Variants in RPIA observed in about 807,000 individuals in gnomAD.
The protein encoded by RPIA is ribose-5-phosphate isomerase.
A neutral mutation model predicts 37.8 loss-of-function variants in RPIA; 29 were observed. The ratio of observed to expected loss-of-function variants is 0.77; its 90% CI spans 0.57 to 1.05. The LOEUF (loss-of-function observed/expected upper bound fraction) is 1.05, where lower values mean the gene tolerates loss of function less well. Ranked by LOEUF, RPIA falls within the 50% of genes least tolerant of loss-of-function variation. RPIA has a pLI of 0.00. For missense variants in RPIA, 385 were observed against 413.6 expected (o/e 0.93, Z 0.60); for synonymous variants, 167 against 157.0 (o/e 1.06, Z -0.48).
chr2:88,749,104 A>T (rs1234510021), intron 8 of RPIA, among the ~76,000 whole-genome samples: 1 of 152,210 alleles, frequency 6.6e-6, no homozygotes, highest in Non-Finnish European at 1.5e-5. Context: ...CACTATCAAC[A>T]TCTTACACAT....
intron 3 of RPIA, among the ~76,000 whole-genome samples, chr2:88,716,010 T>TC (rs899953722): frequency 1.3e-5 from 2 of 151,992 alleles, no homozygotes; most frequent in African/African-American, 2.4e-5. Context: ...GCTACATACC[T>TC]CCCTCAAAAT....
At chr2:88,696,709 A>T (rs552720242) in intron 1 of RPIA, among the ~76,000 whole-genome samples, 1 of 152,186 alleles carries the variant, frequency 6.6e-6, no homozygotes, top group Non-Finnish European at 1.5e-5. Context: ...CTGCTATAAT[A>T]GAATACCTGA....
At position 88,691,886 on chromosome 2, in the gene RPIA, G is replaced by A; in HGVS notation, c.188G>A (p.Gly63Glu). The A allele has an allele frequency of 6.3e-7, 1 of 1,596,750 alleles. No individual in the cohort carries two copies. ...GGAGNTSTSC[G>E]DSNSICPAPS... ...GCTGGCAACACAAGCACCAGCTGCG[G>A]GGACTCCAACAGCATCTGCCCGGCC... The change falls in exon 1 of 9, where the codon GGG becomes GAG. Residue 63 changes from glycine to glutamate, a missense_variant. By Grantham distance (98) the Gly-to-Glu change is moderately conservative. This residue lies in a region of RPIA where 232 missense variants were observed against 203.0 expected (regional missense o/e 1.14). Transcript: ENST00000283646.
chr2:88,733,757 A>T (rs1177414296), intron 4 of RPIA, among the ~76,000 whole-genome samples: 1 of 152,244 alleles, frequency 6.6e-6, no homozygotes, highest in African/African-American at 2.4e-5. Flanking sequence ...TGTACCCTGC[A>T]TACTACTTGC....
rs1673237724 is a variant in RPIA, at chr2:88,729,372, T to C, written c.462+35T>C. ...CCACTCAGAGGCAGACCACTGCGTA[T>C]TTCTTTCCGCTTTTTTATGGCTGTC... is the stretch of plus-strand genomic sequence containing the variant. On this transcript the variant is annotated intron_variant, in intron 4 of 8. Coordinates refer to ENST00000283646, the MANE Select transcript of RPIA (RefSeq NM_144563.3). 3 of 1,597,496 alleles carry C rather than the reference T, an allele frequency of 1.9e-6. No individual in the cohort carries two copies. In the East Asian group the frequency reaches 6.7e-5, roughly 36 times the overall value.
Position 88,738,081 on chromosome 2 carries a change from C to G in RPIA, c.838+5C>G, listed in dbSNP as rs1276091494. ...CAGCTATCAAAATGATCCCAGGTAA[C>G]ATGAGTGGTGTTCACCAGTCATATA... On this transcript the variant is annotated splice_donor_5th_base_variant and intron_variant, in intron 8 of 8. Transcript: ENST00000283646. The G allele has an allele frequency of 6.2e-7, 1 of 1,605,666 alleles. No homozygotes were observed. Among genetic ancestry groups the G allele is most frequent in the African/African-American group, 1.3e-5 (1 of 74,714 alleles).
intron 1 of RPIA, among the ~76,000 whole-genome samples, chr2:88,694,616 G>A (rs559806775): frequency 1.2e-4 from 18 of 152,266 alleles, no homozygotes; most frequent in African/African-American, 4.1e-4. Flanking sequence ...TATTTGGGGT[G>A]CTTTAGGGCC....
intron 1 of RPIA, 42 bp from the exon 2 acceptor site, chr2:88,698,439 TATG>T (rs1558687752): frequency 6.5e-7 from 1 of 1,539,508 alleles, no homozygotes; most frequent in Non-Finnish European, 9.0e-7. Flanking sequence ...AGGAGTAAAA[TATG>T]ATATTAATAA....
intron 4 of RPIA, among the ~76,000 whole-genome samples, chr2:88,733,947 G>A (rs1488490009): frequency 1.3e-5 from 2 of 152,182 alleles, no homozygotes; most frequent in Non-Finnish European, 2.9e-5. Context: ...GCCCAGACAA[G>A]TGGGGTCTTA....
At position 88,691,848 on chromosome 2, in the gene RPIA, G is replaced by A. The variant is rs748016422; in HGVS notation, c.150G>A (p.Gly50=). ...GGCTGCCGGGGCGTGCACAGTCTGG[G>A]ACCCGTGGCGGTGCTGGCAACACAA... ...HVRLPGRAQS[G]TRGGAGNTST... Residue 50 remains glycine, a synonymous_variant, in exon 1 of 9, where the codon GGG becomes GGA. Transcript: ENST00000283646. 2.5e-6 allele frequency: 4 copies of A among 1,597,682 alleles called. No homozygotes were observed. In the East Asian group the frequency reaches 6.8e-5, roughly 27 times the overall value.
At chr2:88,707,859 G>A (rs560373191) in intron 3 of RPIA, among the ~76,000 whole-genome samples, 21 of 152,306 alleles carry the variant, frequency 1.4e-4, no homozygotes, top group Middle Eastern at 3.4e-3. Context: ...GAATTGGGAA[G>A]AACTTCCTGG....
chr2:88,702,342 G>A (rs574644038), intron 3 of RPIA, among the ~76,000 whole-genome samples: 1 of 150,652 alleles, frequency 6.6e-6, no homozygotes, highest in African/African-American at 2.5e-5. Context: ...TTTTCCTATT[G>A]TGTTAGTCCA....
At chr2:88,724,267 A>T (rs1024375804) in intron 3 of RPIA, among the ~76,000 whole-genome samples, 47 of 152,076 alleles carry the variant, frequency 3.1e-4, no homozygotes. Flanking sequence ...TAATTGAAAG[A>T]AACTTTTGCC....
chr2:88,742,456 T>C (rs544711300), intron 8 of RPIA, among the ~76,000 whole-genome samples: 52 of 152,210 alleles, frequency 3.4e-4, no homozygotes, highest in Non-Finnish European at 6.9e-4. Context: ...CATGACCTTA[T>C]AGTGTAGTTT....
chr2:88,718,912 AAAAG>A (rs1204118005), intron 3 of RPIA, among the ~76,000 whole-genome samples: 4 of 152,340 alleles, frequency 2.6e-5, no homozygotes, highest in African/African-American at 9.6e-5. Flanking sequence ...TCTGAAAAAT[AAAAG>A]AAAGGATCAG....
intron 1 of RPIA, among the ~76,000 whole-genome samples, chr2:88,695,241 G>A (rs895397008): frequency 1.2e-4 from 18 of 152,224 alleles, no homozygotes; most frequent in African/African-American, 4.1e-4. Flanking sequence ...AGAGAGTGTT[G>A]TGGAAACTCC....
In RPIA at chr2:88,691,882, T is replaced by A; in HGVS notation, c.184T>A (p.Cys62Ser). Residue 62 changes from cysteine to serine, a missense_variant, in exon 1 of 9, where the codon TGC becomes AGC. This residue lies in a region of RPIA where 232 missense variants were observed against 203.0 expected (regional missense o/e 1.14). Transcript: ENST00000283646. Reference protein sequence around the residue: ...RGGAGNTSTSCGDSNSICPAP... With the variant: ...RGGAGNTSTSSGDSNSICPAP... The stretch of plus-strand genomic sequence containing the variant: ...CGGTGCTGGCAACACAAGCACCAGC[T>A]GCGGGGACTCCAACAGCATCTGCCC... The A allele has an allele frequency of 6.3e-7, 1 of 1,596,348 alleles. No individual in the cohort carries two copies. The highest frequency in any genetic ancestry group is 8.5e-7 in the Non-Finnish European group (1 of 1,172,698).
chr2:88,729,453 G>T (rs1673238518), intron 4 of RPIA, 116 bp downstream of exon 4: 1 of 1,072,936 alleles, frequency 9.3e-7, no homozygotes, highest in East Asian at 2.5e-5. Flanking sequence ...TCAGTTAGTT[G>T]TACCAAGTTT....
intron 3 of RPIA, among the ~76,000 whole-genome samples, chr2:88,713,652 A>G (rs1021756225): frequency 6.6e-6 from 1 of 152,152 alleles, no homozygotes; most frequent in Non-Finnish European, 1.5e-5. Context: ...ACACTCTGCA[A>G]TTTTGGGAAT....
Sources: gnomAD v4.1 joint callset for allele counts (sites outside exome capture counted in the v4.1 genomes callset) on GRCh38, gnomAD v4.1.1 for gene constraint, gnomAD v4.1.1 regional missense constraint, MANE v1.5 for transcripts, NCBI Gene and HGNC (gene_info 2026-07-23, HGNC 2026-07-21) for gene names.